The following GPR146 variants were observed in gnomAD, a reference collection of about 807,000 sequenced individuals.
GPR146 encodes the protein G-protein coupled receptor 146.
For synonymous variants in GPR146, 203 were observed against 104.3 expected (o/e 1.95, Z -5.77); for missense variants, 381 against 213.9 (o/e 1.78, Z -4.87).
chr7:1,054,756 C>A (rs1183322440), intron 1 of GPR146, among the ~76,000 whole-genome samples: 1 of 152,202 alleles, frequency 6.6e-6, no homozygotes. Flanking sequence ...GTGTGTGGGG[C>A]CGGCTCAGCT....
At chr7:1,047,321 T>C (rs1782674761) in intron 1 of GPR146, among the ~76,000 whole-genome samples, 1 of 152,218 alleles carries the variant, frequency 6.6e-6, no homozygotes, top group Non-Finnish European at 1.5e-5. Flanking sequence ...TCTTTGTTTA[T>C]AGTCTAAGCC....
chr7:1,053,775 T>C (rs935363992), intron 1 of GPR146, among the ~76,000 whole-genome samples: 27 of 152,236 alleles, frequency 1.8e-4, no homozygotes, highest in African/African-American at 6.3e-4. Context: ...TGCAGTGAGC[T>C]GAGATCGTGC....
At chr7:1,048,853 CCTT>C (rs1314872854) in intron 1 of GPR146, among the ~76,000 whole-genome samples, 1 of 152,208 alleles carries the variant, frequency 6.6e-6, no homozygotes, top group Non-Finnish European at 1.5e-5. Context: ...AGCAGGTTCT[CCTT>C]CTCAGTCCCA....
rs759455297 is a variant in GPR146 at position 1,057,704 on chromosome 7, C to T, written c.189C>T (p.Asp63=). 2.1e-5 allele frequency: 16 copies of T among 775,188 alleles called. No individual in the cohort carries two copies. Among genetic ancestry groups the T allele is most frequent in the Middle Eastern group, 4.6e-4 (2 of 4,352 alleles). The allele number at this position is 775,188 out of a possible 1,614,324, so 48.0% of individuals were successfully genotyped here. A position where few individuals can be genotyped will look rare whatever the true frequency, so the allele number is the denominator to read the frequency against. ...GCAAGGCCAGCATGACCATGCCGGA[C>T]GTGTACTTTGTCAACATGGCAGTGG... ...LHSKASMTMP[D]VYFVNMAVAG... Residue 63 remains aspartate (D), a synonymous_variant, in exon 2 of 2, where the codon GAC becomes GAT. Transcript: ENST00000444847.
At chr7:1,050,539 C>G (rs1306399682) in intron 1 of GPR146, among the ~76,000 whole-genome samples, 1 of 152,234 alleles carries the variant, frequency 6.6e-6, no homozygotes, top group East Asian at 1.9e-4. Context: ...GGGCTCCCAG[C>G]TCCGAGCGGA....
At chr7:1,055,595 G>A (rs964179614) in intron 1 of GPR146, 12 of 374,634 alleles carry the variant, frequency 3.2e-5, no homozygotes, top group Non-Finnish European at 4.8e-5. Flanking sequence ...GAGAGAGGAC[G>A]CAGGGGGTTC....
At chr7:1,051,871 G>A (rs1487690360) in intron 1 of GPR146, among the ~76,000 whole-genome samples, 1 of 152,194 alleles carries the variant, frequency 6.6e-6, no homozygotes, top group Non-Finnish European at 1.5e-5. Context: ...CCAGCTTCTT[G>A]GGAGGCTGAG....
intron 1 of GPR146, among the ~76,000 whole-genome samples, chr7:1,051,432 C>T (rs1783102776): frequency 6.6e-6 from 1 of 152,250 alleles, no homozygotes. Context: ...TTGCTCACGT[C>T]TCCCAGGCTG....
chr7:1,044,955 G>C (rs1354479940), intron 1 of GPR146, among the ~76,000 whole-genome samples: 1 of 152,266 alleles, frequency 6.6e-6, no homozygotes, highest in Non-Finnish European at 1.5e-5. Flanking sequence ...GCTCTCCCAT[G>C]TCCGACAGGG....
rs901674770 is a variant in GPR146 at position 1,052,201 on chromosome 7, T to C, written c.-24-5291T>C. Among the ~76,000 whole-genome samples, 2 of 152,192 alleles carry C rather than the reference T, an allele frequency of 1.3e-5. No individual in the cohort carries two copies. The highest frequency in any genetic ancestry group is 1.3e-4 in the Admixed American group (2 of 15,288). On this transcript the variant is annotated intron_variant, in intron 1 of 1. Coordinates refer to ENST00000444847, the MANE Select transcript of GPR146 (RefSeq NM_001303473.2). This position sits in a 1 kb window ranked among gnomAD's most constrained non-coding sequence, Gnocchi z 4.2. Reference sequence around the variant, plus strand: ...GTCCCTAAGAGACCCTGAGGCCTGCTCCAGGCTGAGTGGGTGAGGAGCCTC... The same window carrying C: ...GTCCCTAAGAGACCCTGAGGCCTGCCCCAGGCTGAGTGGGTGAGGAGCCTC...
Position 1,052,270 on chromosome 7 carries a change from G to C in GPR146, c.-24-5222G>C, listed in dbSNP as rs907179507. ...GAGGCGTGCCCTCCTGAGAGGCAAGGCTGACCTGCAGCGTCCAGCTCGGCT... is the reference window on the plus strand; with the variant it reads ...GAGGCGTGCCCTCCTGAGAGGCAAGCCTGACCTGCAGCGTCCAGCTCGGCT... On this transcript the variant is annotated intron_variant, in intron 1 of 1. Coordinates refer to ENST00000444847, the MANE Select transcript of GPR146 (RefSeq NM_001303473.2). This position sits in a 1 kb window ranked among gnomAD's most constrained non-coding sequence, Gnocchi z 4.2. Among the ~76,000 whole-genome samples, 1 of 152,254 alleles carries C rather than the reference G, an allele frequency of 6.6e-6. No individual in the cohort carries two copies. Among genetic ancestry groups the C allele is most frequent in the African/African-American group, 2.4e-5 (1 of 41,472 alleles).
chr7:1,055,303 G>A (rs1011876078), intron 1 of GPR146: 2 of 471,094 alleles, frequency 4.2e-6, no homozygotes, highest in East Asian at 1.4e-4. Flanking sequence ...GCATCCTGGG[G>A]CCCTCACACG....
At chr7:1,050,355 C>T (rs974960873) in intron 1 of GPR146, among the ~76,000 whole-genome samples, 4 of 152,260 alleles carry the variant, frequency 2.6e-5, no homozygotes, top group African/African-American at 7.2e-5. Context: ...AGCAGGGAGC[C>T]GTCCACCTGC....
In GPR146 at chr7:1,057,788, G is replaced by C. The variant is rs756604445; in HGVS notation, c.273G>C (p.Arg91=). The C allele has an allele frequency of 6.4e-6, 5 of 776,102 alleles. No individual in the cohort carries two copies. In the East Asian group the frequency reaches 1.2e-4, roughly 19 times the overall value. 48.1% of individuals were successfully genotyped at this position (776,102 alleles called of 1,614,324 possible). The stretch of plus-strand genomic sequence containing the variant: ...ACCTGCTCGGCCCCCCGAGCTCCCG[G>C]TGGGCGCTGTGGAGTGTGGGCGGCG... ...PVHLLGPPSS[R]WALWSVGGEV... Residue 91 remains arginine, a synonymous_variant, in exon 2 of 2, where the codon CGG becomes CGC. Transcript: ENST00000444847.
At chr7:1,051,666 TGA>T (rs1270693747) in intron 1 of GPR146, among the ~76,000 whole-genome samples, 1 of 152,176 alleles carries the variant, frequency 6.6e-6, no homozygotes, top group Middle Eastern at 3.2e-3. Flanking sequence ...GCCCTTTTTA[TGA>T]GAGTTATTTA....
rs1784145308 is a variant in GPR146 at position 1,058,649 on chromosome 7, T to A, written c.*132T>A. ...AGCAGGAGGGGTGTTTTTCTTGAAGTTTCCTTTTTCCCACAAATGCCACTC... is the reference window on the plus strand; with the variant it reads ...AGCAGGAGGGGTGTTTTTCTTGAAGATTCCTTTTTCCCACAAATGCCACTC... On this transcript the variant is annotated 3_prime_UTR_variant, in exon 2 of 2. Coordinates refer to ENST00000444847, the MANE Select transcript of GPR146 (RefSeq NM_001303473.2). 6 of 612,342 alleles carry A rather than the reference T, an allele frequency of 9.8e-6. No individual in the cohort carries two copies. The highest frequency in any genetic ancestry group is 1.8e-5 in the Non-Finnish European group (6 of 336,354). The allele number at this position is 612,342 out of a possible 1,614,324, so 37.9% of individuals were successfully genotyped here.
intron 1 of GPR146, among the ~76,000 whole-genome samples, chr7:1,050,414 C>T (rs947191418): frequency 7.2e-5 from 11 of 152,258 alleles, no homozygotes; most frequent in African/African-American, 1.9e-4. Context: ...GCTGCCCAGA[C>T]GGGCTGCCCA....
At chr7:1,054,313 T>C (rs1415511838) in intron 1 of GPR146, among the ~76,000 whole-genome samples, 1 of 152,218 alleles carries the variant, frequency 6.6e-6, no homozygotes, top group Non-Finnish European at 1.5e-5. Flanking sequence ...ATCCTCATCA[T>C]TGATACCTGG....
At chr7:1,050,873 G>A (rs1184272274) in intron 1 of GPR146, among the ~76,000 whole-genome samples, 1 of 152,168 alleles carries the variant, frequency 6.6e-6, no homozygotes, top group Non-Finnish European at 1.5e-5. Context: ...TGACGCGCAG[G>A]GGGTCTCGGA....
Sources: allele counts gnomAD v4.1 joint callset (sites outside exome capture counted in the v4.1 genomes callset), GRCh38; gene constraint gnomAD v4.1.1; non-coding constraint Gnocchi (gnomAD v3.1); transcripts MANE v1.5; gene names NCBI Gene and HGNC (gene_info 2026-07-23, HGNC 2026-07-21).